Variants in EXOC4 observed in about 807,000 individuals in gnomAD.
EXOC4 encodes SEC8-like 1.
EXOC4 carries 71 observed loss-of-function variants against 107.2 expected under a neutral mutation model. The observed-to-expected ratio is 0.66, with a 90% CI of 0.55 to 0.81. EXOC4 has a LOEUF of 0.81. EXOC4 is among the 30% of genes least tolerant of loss of function. The probability of loss-of-function intolerance (pLI) is 0.00; values close to 1 mark genes in which losing one functional copy is unlikely to be tolerated. For missense variants in EXOC4, 1,108 were observed against 1,189.6 expected (o/e 0.93, Z 1.01); for synonymous variants, 456 against 441.2 (o/e 1.03, Z -0.42).
At chr7:133,987,220 G>A (rs920826953) in intron 14 of EXOC4, among the ~76,000 whole-genome samples, 1 of 152,044 alleles carries the variant, frequency 6.6e-6, no homozygotes, top group African/African-American at 2.4e-5. Flanking sequence ...CAGCACTTTG[G>A]GAAGCTGAGG....
chr7:133,564,689 A>G (rs1800873451), intron 9 of EXOC4, among the ~76,000 whole-genome samples: 1 of 152,328 alleles, frequency 6.6e-6, no homozygotes, highest in South Asian at 2.1e-4. Context: ...TTTGATGACC[A>G]GTAGGAGGCA....
intron 14 of EXOC4, among the ~76,000 whole-genome samples, chr7:133,969,400 T>C (rs1801147684): frequency 6.6e-6 from 1 of 152,228 alleles, no homozygotes; most frequent in Non-Finnish European, 1.5e-5. Flanking sequence ...TGAGTTGTGA[T>C]CCTTTGGAAG....
chr7:133,725,931 A>G (rs1795205740), intron 10 of EXOC4, among the ~76,000 whole-genome samples: 1 of 152,170 alleles, frequency 6.6e-6, no homozygotes, highest in Admixed American at 6.5e-5. Context: ...CAAACAAATA[A>G]CTTAAAGGTG....
chr7:133,832,779 G>A (rs915404006), intron 11 of EXOC4, among the ~76,000 whole-genome samples: 7 of 152,080 alleles, frequency 4.6e-5, no homozygotes, highest in Non-Finnish European at 8.8e-5. Context: ...GTTTAGTTTT[G>A]TGAGGATATA....
chr7:133,757,680 A>G (rs1405893513), intron 10 of EXOC4, among the ~76,000 whole-genome samples: 1 of 152,258 alleles, frequency 6.6e-6, no homozygotes, highest in Non-Finnish European at 1.5e-5. Flanking sequence ...GTATTCGTAT[A>G]TCTGGATTCA....
intron 4 of EXOC4, among the ~76,000 whole-genome samples, chr7:133,311,241 G>T (rs1344287031): frequency 6.6e-6 from 1 of 151,878 alleles, no homozygotes; most frequent in African/African-American, 2.4e-5. Context: ...GGGAGGTTAT[G>T]AGGGGGGCAT....
chr7:133,841,971 T>C (rs1007850553), intron 11 of EXOC4, among the ~76,000 whole-genome samples: 2 of 152,234 alleles, frequency 1.3e-5, no homozygotes, highest in Non-Finnish European at 2.9e-5. Context: ...GCTCCATCCA[T>C]GTTGCTGCAA....
intron 9 of EXOC4, among the ~76,000 whole-genome samples, chr7:133,489,426 A>G (rs558326971): frequency 6.6e-6 from 1 of 152,330 alleles, no homozygotes; most frequent in Non-Finnish European, 1.5e-5. Context: ...GAAATCGAGA[A>G]CAAATGTGGA....
At chr7:133,686,971 A>G (rs777769023) in intron 10 of EXOC4, among the ~76,000 whole-genome samples, 3 of 151,368 alleles carry the variant, frequency 2.0e-5, no homozygotes, top group Non-Finnish European at 2.9e-5. Context: ...ATGCCTATCA[A>G]TCAATGAGGG....
At chr7:133,590,743 G>T (rs984070938) in intron 9 of EXOC4, among the ~76,000 whole-genome samples, 1 of 152,162 alleles carries the variant, frequency 6.6e-6, no homozygotes, top group Non-Finnish European at 1.5e-5. Context: ...ATCCCTCTGA[G>T]AGCCACTTTC....
intron 1 of EXOC4, among the ~76,000 whole-genome samples, chr7:133,259,232 CTTTTTT>C (rs1160021022): frequency 7.7e-6 from 1 of 129,566 alleles, no homozygotes; most frequent in African/African-American, 2.8e-5. Flanking sequence ...AGTTTAATTT[CTTTTTT>C]TTTTTTTTTT....
intron 7 of EXOC4, among the ~76,000 whole-genome samples, chr7:133,462,904 T>C (rs1358538994): frequency 6.6e-6 from 1 of 152,114 alleles, no homozygotes; most frequent in African/African-American, 2.4e-5. Context: ...GGGGCTGTGT[T>C]GTGAGAGGCG....
chr7:133,968,093 CTTT>C (rs1368497018), intron 14 of EXOC4, among the ~76,000 whole-genome samples: 1 of 152,134 alleles, frequency 6.6e-6, no homozygotes, highest in East Asian at 1.9e-4. Context: ...TAATGTCCTT[CTTT>C]GTCTTTCTTG....
chr7:133,624,483 T>C (rs1045788796), intron 9 of EXOC4, among the ~76,000 whole-genome samples: 1 of 152,106 alleles, frequency 6.6e-6, no homozygotes, highest in Admixed American at 6.6e-5. Context: ...CTCAGGAGCT[T>C]GAGGTGGGAG....
chr7:133,530,395 C>T (rs1800159321), intron 9 of EXOC4, among the ~76,000 whole-genome samples: 1 of 152,184 alleles, frequency 6.6e-6, no homozygotes, highest in Admixed American at 6.5e-5. Flanking sequence ...TAGCCTACTA[C>T]ACACCTAGGC....
chr7:133,969,153 A>G (rs1400524069), intron 14 of EXOC4, among the ~76,000 whole-genome samples: 1 of 152,046 alleles, frequency 6.6e-6, no homozygotes, highest in African/African-American at 2.4e-5. Flanking sequence ...CTTGTGTATT[A>G]TTCACGAAGC....
intron 17 of EXOC4, among the ~76,000 whole-genome samples, chr7:134,059,876 A>C (rs1796016717): frequency 6.6e-6 from 1 of 152,192 alleles, no homozygotes. Flanking sequence ...TAACTTTCCA[A>C]TCAGAGGAAG....
intron 5 of EXOC4, among the ~76,000 whole-genome samples, chr7:133,326,636 G>C (rs536277903): frequency 6.9e-4 from 105 of 152,324 alleles, no homozygotes; most frequent in African/African-American, 2.5e-3. Flanking sequence ...GTGCCTCCCA[G>C]TTAGGCTACT....
chr7:133,505,273 G>A (rs1471581902), intron 9 of EXOC4, among the ~76,000 whole-genome samples: 1 of 152,032 alleles, frequency 6.6e-6, no homozygotes, highest in Non-Finnish European at 1.5e-5. Flanking sequence ...TGATTCCCAG[G>A]AACCACAGTC....
Sources: allele counts gnomAD v4.1 joint callset (sites outside exome capture counted in the v4.1 genomes callset), GRCh38; gene constraint gnomAD v4.1.1; transcripts MANE v1.5; gene names NCBI Gene and HGNC (gene_info 2026-07-23, HGNC 2026-07-21).